XRCC2: variants seen among roughly 807,000 people sequenced by gnomAD.
The protein encoded by XRCC2 is DNA repair protein XRCC2.
XRCC2 carries 24 observed loss-of-function variants against 27.3 expected under a neutral mutation model. The ratio of observed to expected loss-of-function variants is 0.88; its 90% CI spans 0.64 to 1.24. The LOEUF is 1.24. Ranked by LOEUF, XRCC2 falls within the 50% of genes most tolerant of loss-of-function variation. The pLI is 0.00. For missense variants in XRCC2, 321 were observed against 325.8 expected (o/e 0.99, Z 0.11); for synonymous variants, 106 against 115.4 (o/e 0.92, Z 0.52).
At chr7:152,665,925 T>A (rs3111471) in intron 1 of XRCC2, among the ~76,000 whole-genome samples, 1 of 151,950 alleles carries the variant, frequency 6.6e-6, no homozygotes, top group Non-Finnish European at 1.5e-5. Context: ...CAACGTGACT[T>A]TCTCTGAGAG....
intron 1 of XRCC2, among the ~76,000 whole-genome samples, chr7:152,662,729 C>G (rs3218462): frequency 0.095 from 14,291 of 150,614 alleles, 991 homozygotes; most frequent in Admixed American, 0.21. Context: ...CCCGCCACTA[C>G]GCCCGGCTAA....
rs796486952 is a variant in XRCC2, at chr7:152,662,565, A to T, written c.40-1783T>A. Reference sequence around the variant, plus strand: ...GGGAAGAAAGTCACCTTTTATTTGCATTTTTTTTTTTTTTTTTTTTTTTTT... The same window carrying T: ...GGGAAGAAAGTCACCTTTTATTTGCTTTTTTTTTTTTTTTTTTTTTTTTTT... On this transcript the variant is annotated intron_variant, in intron 1 of 2. Transcript: ENST00000359321. Among the ~76,000 whole-genome samples, 159 of 67,772 alleles carry T rather than the reference A, an allele frequency of 2.3e-3. 2 individuals carry two copies. Among genetic ancestry groups the T allele is most frequent in the African/African-American group, 7.9e-3 (145 of 18,398 alleles). 44.5% of individuals were successfully genotyped at this position (67,772 alleles called of 152,430 possible).
intron 2 of XRCC2, among the ~76,000 whole-genome samples, chr7:152,657,590 A>G (rs557058081): frequency 6.6e-6 from 1 of 152,290 alleles, no homozygotes; most frequent in South Asian, 2.1e-4. Flanking sequence ...GCACCTGGCC[A>G]GAAAGTATTC....
chr7:152,659,171 T>G (rs2098032018), intron 2 of XRCC2, among the ~76,000 whole-genome samples: 1 of 152,066 alleles, frequency 6.6e-6, no homozygotes, highest in Non-Finnish European at 1.5e-5. Flanking sequence ...GCCTTCCTAA[T>G]GGATGTGAGG....
At chr7:152,674,750 T>TAAATATATATTATATATAAATATATTTTA (rs1242718481) in intron 1 of XRCC2, among the ~76,000 whole-genome samples, 1 of 106,044 alleles carries the variant, frequency 9.4e-6, no homozygotes, top group Non-Finnish European at 1.9e-5. Flanking sequence ...AATATATTTT[T>TAAATATATATTATATATAAATATATTTTA]AAATATATAT....
intron 1 of XRCC2, among the ~76,000 whole-genome samples, chr7:152,661,919 G>A (rs1369365404): frequency 2.0e-5 from 3 of 152,146 alleles, no homozygotes; most frequent in Non-Finnish European, 4.4e-5. Flanking sequence ...TCCCTCATAA[G>A]GCTGATGAGG....
chr7:152,648,659 C>T lies in XRCC2; in HGVS notation c.826G>A (p.Gly276Arg), dbSNP rs730882044. Reference sequence around the variant, plus strand: ...GATGTATATCAACAAAATTCAACCCCACTTTCTCCAATAATAAAAAAATGT... The same window carrying T: ...GATGTATATCAACAAAATTCAACCCTACTTTCTCCAATAATAAAAAAATGT... ...KKHFFIIGES[G>R]VEFC The change falls in exon 3 of 3, where the codon GGG becomes AGG. Residue 276 changes from glycine (G) to arginine (R), a missense_variant. Physicochemically the swap from Gly to Arg is moderately radical, Grantham distance 125. Coordinates refer to ENST00000359321, the MANE Select transcript of XRCC2 (RefSeq NM_005431.2). 6.2e-6 allele frequency: 10 copies of T among 1,603,064 alleles called. No homozygotes were observed. The highest frequency in any genetic ancestry group is 8.5e-6 in the Non-Finnish European group (10 of 1,175,462).
At chr7:152,657,261 G>C (rs1039026868) in intron 2 of XRCC2, among the ~76,000 whole-genome samples, 1 of 150,210 alleles carries the variant, frequency 6.7e-6, no homozygotes, top group Admixed American at 6.6e-5. Context: ...TAGTATAAAC[G>C]TGTTTTTGTA....
At chr7:152,668,803 G>A (rs923783824) in intron 1 of XRCC2, among the ~76,000 whole-genome samples, 4 of 152,202 alleles carry the variant, frequency 2.6e-5, no homozygotes, top group South Asian at 2.1e-4. Flanking sequence ...CATCTGCTAA[G>A]TTCTATTATC....
At chr7:152,652,472 C>T (rs1054780342) in intron 2 of XRCC2, among the ~76,000 whole-genome samples, 1 of 152,056 alleles carries the variant, frequency 6.6e-6, no homozygotes, top group Admixed American at 6.6e-5. Flanking sequence ...CCAGAGAGGC[C>T]GACCCACAGC....
intron 2 of XRCC2, among the ~76,000 whole-genome samples, chr7:152,655,948 G>A (rs1204208390): frequency 2.6e-5 from 4 of 152,178 alleles, no homozygotes; most frequent in Admixed American, 1.3e-4. Flanking sequence ...CTGCACTCCA[G>A]CCTGGGTGAC....
rs1290130026 is a variant in XRCC2 at position 152,649,053 on chromosome 7, G to A, written c.432C>T (p.Cys144=). The part of the protein sequence containing the change: ...ESMFCSHPSL[C]LLILDSLSAF... ...CTGACAGGCTATCCAAAATCAAAAG[G>A]CAGAGAGATGGGTGACTACAAAACA... The change falls in exon 3 of 3, where the codon TGC becomes TGT. Residue 144 remains cysteine (C), a synonymous_variant. Transcript: ENST00000359321. 9.3e-6 allele frequency: 15 copies of A among 1,614,008 alleles called. No homozygotes were observed. The highest frequency in any genetic ancestry group is 1.7e-5 in the Admixed American group (1 of 59,988).
Position 152,648,601 on chromosome 7 carries a change from G to A in XRCC2, c.*41C>T. 1 of 1,524,436 alleles carries A rather than the reference G, an allele frequency of 6.6e-7. No individual in the cohort carries two copies. Among genetic ancestry groups the A allele is most frequent in the Non-Finnish European group, 8.7e-7 (1 of 1,144,568 alleles). 94.4% of individuals were successfully genotyped at this position (1,524,436 alleles called of 1,614,324 possible). On this transcript the variant is annotated 3_prime_UTR_variant, in exon 3 of 3. Coordinates refer to ENST00000359321, the MANE Select transcript of XRCC2 (RefSeq NM_005431.2). ...ACTCTGTCTTAAGAAAAATTTTAAG[G>A]CTTGCGTAGTACCCTGCAAAAGACT...
chr7:152,658,108 G>A (rs1031785103), intron 2 of XRCC2, among the ~76,000 whole-genome samples: 2 of 151,444 alleles, frequency 1.3e-5, no homozygotes, highest in Non-Finnish European at 2.9e-5. Flanking sequence ...TGGGATTACA[G>A]GCATGAGCCA....
At chr7:152,655,644 C>T (rs889334351) in intron 2 of XRCC2, among the ~76,000 whole-genome samples, 18 of 152,234 alleles carry the variant, frequency 1.2e-4, no homozygotes, top group Admixed American at 2.6e-4. Context: ...GGGGGTTGGT[C>T]GAGGCTGCAG....
Sources: gnomAD v4.1 joint callset for allele counts (sites outside exome capture counted in the v4.1 genomes callset) on GRCh38, gnomAD v4.1.1 for gene constraint, MANE v1.5 for transcripts, NCBI Gene and HGNC (gene_info 2026-07-23, HGNC 2026-07-21) for gene names.